The following XPNPEP3 variants were observed in gnomAD, a reference collection of about 807,000 sequenced individuals.
XPNPEP3 encodes xaa-Pro aminopeptidase 3.
Under a neutral mutation model 60.0 loss-of-function variants are expected in XPNPEP3, and 41 were observed. The ratio of observed to expected loss-of-function variants is 0.68; its 90% confidence interval spans 0.53 to 0.89. The LOEUF (loss-of-function observed/expected upper bound fraction) is 0.89, where lower values mean the gene tolerates loss of function less well. XPNPEP3 is among the 40% of genes least tolerant of loss of function. The probability of loss-of-function intolerance (pLI) is 0.00; values close to 1 mark genes in which losing one functional copy is unlikely to be tolerated. For synonymous variants in XPNPEP3, 212 were observed against 223.2 expected (o/e 0.95, Z 0.45); for missense variants, 598 against 638.9 (o/e 0.94, Z 0.69).
chr22:40,870,621 A>G (rs1344917398), intron 2 of XPNPEP3, among the ~76,000 whole-genome samples: 1 of 152,182 alleles, frequency 6.6e-6, no homozygotes, highest in Non-Finnish European at 1.5e-5. Context: ...TTCTGCAGAC[A>G]AAAGTATCAA....
chr22:40,880,028 C>CAAAAAA (rs963115248), intron 2 of XPNPEP3, among the ~76,000 whole-genome samples: 84 of 52,796 alleles, frequency 1.6e-3, no homozygotes, highest in African/African-American at 6.1e-3. Context: ...CTCTGTCTCC[C>CAAAAAA]AAAAAAAAAA....
At chr22:40,875,377 C>A (rs2058023941) in intron 2 of XPNPEP3, among the ~76,000 whole-genome samples, 1 of 152,064 alleles carries the variant, frequency 6.6e-6, no homozygotes, top group Non-Finnish European at 1.5e-5. Context: ...ACTTTGTTGC[C>A]AGGGCTTACT....
intron 4 of XPNPEP3, among the ~76,000 whole-genome samples, chr22:40,887,245 T>C (rs2058072947): frequency 6.6e-6 from 1 of 152,086 alleles, no homozygotes; most frequent in Non-Finnish European, 1.5e-5. Flanking sequence ...TCACAGCCAA[T>C]GGCTGTCTCA....
In XPNPEP3 at chr22:40,886,385, C is replaced by G; in HGVS notation, c.662C>G (p.Pro221Arg). 6.2e-7 allele frequency: 1 copy of G among 1,614,116 alleles called. No individual in the cohort carries two copies. The highest frequency in any genetic ancestry group is 2.2e-5 in the East Asian group (1 of 44,878). The change falls in exon 4 of 10, where the codon CCC becomes CGC. Residue 221 changes from proline (P) to arginine (R), a missense_variant. Pro to Arg is a moderately radical substitution (Grantham distance 103, BLOSUM62 -2). Coordinates refer to ENST00000357137, the MANE Select transcript of XPNPEP3 (RefSeq NM_022098.4). ...HAQLHSDYMQ[P>R]LTEAKAKSKN... ...CAGCTTCACTCTGACTATATGCAGC[C>G]CCTGACTGAGGCCAAAGCCAAGAGC...
At chr22:40,869,261 T>C in intron 2 of XPNPEP3, 146 bp downstream of exon 2, 1 of 649,220 alleles carries the variant, frequency 1.5e-6, no homozygotes, top group African/African-American at 1.8e-5. Flanking sequence ...ACTAATAAGG[T>C]TGCTAGTACA....
At chr22:40,858,939 A>G (rs747348838) in intron 1 of XPNPEP3, among the ~76,000 whole-genome samples, 26 of 152,144 alleles carry the variant, frequency 1.7e-4, no homozygotes, top group Non-Finnish European at 2.6e-4. Context: ...AATGTACATA[A>G]TAGTTTAATT....
In XPNPEP3 at chr22:40,929,203, T is replaced by C. The variant is rs886057531; in HGVS notation, c.*2768T>C. ...TTTTCTTTTCTTTTCTTTTTTTTTTTTTTTTTGAGACGGAGTCTCACACTG... is the reference window on the plus strand; with the variant it reads ...TTTTCTTTTCTTTTCTTTTTTTTTTCTTTTTTGAGACGGAGTCTCACACTG... On this transcript the variant is annotated 3_prime_UTR_variant, in exon 10 of 10. Transcript: ENST00000357137. 2 of 150,340 alleles carry C rather than the reference T, an allele frequency of 1.3e-5. No individual in the cohort carries two copies. The highest frequency in any genetic ancestry group is 3.9e-4 in the East Asian group (2 of 5,186). The allele number at this position is 150,340 out of a possible 1,614,324, so 9.3% of individuals were successfully genotyped here.
At chr22:40,908,495 G>A (rs1464926553) in intron 5 of XPNPEP3, among the ~76,000 whole-genome samples, 2 of 152,190 alleles carry the variant, frequency 1.3e-5, no homozygotes, top group Non-Finnish European at 2.9e-5. Context: ...TCCAGCCTGG[G>A]TGACAGCAAT....
chr22:40,882,708 C>T (rs2058053172), intron 3 of XPNPEP3, among the ~76,000 whole-genome samples: 1 of 151,922 alleles, frequency 6.6e-6, no homozygotes, highest in Admixed American at 6.6e-5. Flanking sequence ...CCCGCCACTG[C>T]ACTCCAGCCT....
rs73885708 is a variant in XPNPEP3 at position 40,862,404 on chromosome 22, G to A, written c.64+5159G>A. The stretch of plus-strand genomic sequence containing the variant: ...CATAATATGACCTCTAGATTACTGC[G>A]CCTTAATTGCTTCCCAGCTCTTCTA... On this transcript the variant is annotated intron_variant, in intron 1 of 9. Transcript: ENST00000357137. 3,836 of 990,230 alleles carry A rather than the reference G, an allele frequency of 3.9e-3. 110 individuals carry two copies. In the African/African-American group the frequency reaches 0.063, roughly 16 times the overall value. 61.3% of individuals were successfully genotyped at this position (990,230 alleles called of 1,614,324 possible). A position where few individuals can be genotyped will look rare whatever the true frequency, so the allele number is the denominator to read the frequency against.
chr22:40,904,394 C>G (rs1375810896), intron 4 of XPNPEP3, among the ~76,000 whole-genome samples: 1 of 152,132 alleles, frequency 6.6e-6, no homozygotes, highest in East Asian at 1.9e-4. Flanking sequence ...CATGACTGTC[C>G]TGGCACAATG....
At chr22:40,916,494 A>C (rs138498578) in intron 7 of XPNPEP3, among the ~76,000 whole-genome samples, 1 of 152,306 alleles carries the variant, frequency 6.6e-6, no homozygotes, top group African/African-American at 2.4e-5. Context: ...CAAACTTTCC[A>C]AATTGTCAAA....
chr22:40,859,030 A>AT (rs2057924796), intron 1 of XPNPEP3, among the ~76,000 whole-genome samples: 1 of 152,198 alleles, frequency 6.6e-6, no homozygotes, highest in African/African-American at 2.4e-5. Flanking sequence ...TGTTGCGATT[A>AT]TAAGTGTGAG....
Position 40,914,248 on chromosome 22 carries a change from A to T in XPNPEP3, c.979A>T (p.Met327Leu), listed in dbSNP as rs755959024. Reference sequence around the variant, plus strand: ...TCTTACTTTGTTCCAGGATGGGGAAATGGTGCTTCTGGATGGAGGTTGTGA... The same window carrying T: ...TCTTACTTTGTTCCAGGATGGGGAATTGGTGCTTCTGGATGGAGGTTGTGA... ...KNNQLIKDGE[M>L]VLLDGGCESS... is the part of the protein sequence containing the mutation. The change falls in exon 7 of 10, where the codon ATG becomes TTG. Residue 327 changes from methionine to leucine, a missense_variant. Coordinates refer to ENST00000357137, the MANE Select transcript of XPNPEP3 (RefSeq NM_022098.4). 4.3e-6 allele frequency: 7 copies of T among 1,614,000 alleles called. No homozygotes were observed. Among genetic ancestry groups the T allele is most frequent in the Middle Eastern group, 1.7e-4 (1 of 6,060 alleles).
chr22:40,883,535 A>AT, intron 3 of XPNPEP3, among the ~76,000 whole-genome samples: 1 of 151,528 alleles, frequency 6.6e-6, no homozygotes, highest in Admixed American at 6.6e-5. Context: ...ATTTTTTTTT[A>AT]TTTTTTTGTA....
intron 4 of XPNPEP3, among the ~76,000 whole-genome samples, chr22:40,902,405 A>G (rs367551813): frequency 6.6e-6 from 1 of 151,794 alleles, no homozygotes; most frequent in Admixed American, 6.6e-5. Context: ...CGCCTGCCAC[A>G]CGCCCAGCTA....
chr22:40,864,901 T>C (rs748098835), intron 1 of XPNPEP3, among the ~76,000 whole-genome samples: 2 of 152,182 alleles, frequency 1.3e-5, no homozygotes, highest in African/African-American at 4.8e-5. Context: ...AAACCCCTAC[T>C]GAAGATGGAG....
chr22:40,917,488 A>G (rs1283948453), intron 7 of XPNPEP3: 1 of 152,188 alleles, frequency 6.6e-6, no homozygotes, highest in African/African-American at 2.4e-5. Flanking sequence ...AATTTTCTAG[A>G]ATTAGTAGTG....
rs199818696 is a variant in XPNPEP3 at position 40,869,050 on chromosome 22, G to A, written c.116G>A (p.Arg39Lys). Residue 39 changes from arginine to lysine, a missense_variant, in exon 2 of 10, where the codon AGG becomes AAG. Physicochemically the swap from Arg to Lys is conservative, Grantham distance 26. Coordinates refer to ENST00000357137, the MANE Select transcript of XPNPEP3 (RefSeq NM_022098.4). The stretch of plus-strand genomic sequence containing the variant: ...TACTCCCTTCAGCCTGTCCCAGAAA[G>A]GAGGATTCCAAACCGATACTTAGGC... ...RRYSLQPVPE[R>K]RIPNRYLGQP... 13 of 1,614,106 alleles carry A rather than the reference G, an allele frequency of 8.1e-6. No homozygotes were observed. The Admixed American group carries it at 1.0e-4, about 12-fold the overall frequency.
Sources: gnomAD v4.1 joint callset for allele counts (sites outside exome capture counted in the v4.1 genomes callset) on GRCh38, gnomAD v4.1.1 for gene constraint, MANE v1.5 for transcripts, NCBI Gene and HGNC (gene_info 2026-07-23, HGNC 2026-07-21) for gene names.